The following ACBD6 variants were observed in gnomAD, a reference collection of about 807,000 sequenced individuals.
ACBD6 encodes acyl-CoA binding domain containing 6.
ACBD6 carries 28 observed loss-of-function variants against 37.2 expected under a neutral mutation model. The observed-to-expected ratio is 0.75, with a 90% confidence interval of 0.56 to 1.03. The LOEUF (loss-of-function observed/expected upper bound fraction) is 1.03. Ranked by LOEUF, ACBD6 falls within the 50% of genes least tolerant of loss-of-function variation. ACBD6 has a pLI of 0.00. For synonymous variants in ACBD6, 113 were observed against 126.8 expected, an observed-to-expected ratio of 0.89 and a Z score of 0.73; for missense variants, 340 against 337.4, an observed-to-expected ratio of 1.01 and a Z score of -0.06.
Position 180,307,574 on chromosome 1 carries a change from T to C in ACBD6, c.694+7118A>G, listed in dbSNP as rs189606962. Among the ~76,000 whole-genome samples, 417 of 152,372 alleles carry C rather than the reference T, an allele frequency of 2.7e-3. 2 individuals carry two copies. The highest frequency in any genetic ancestry group is 8.0e-3 in the Admixed American group (123 of 15,302). On this transcript the variant is annotated intron_variant, in intron 7 of 7. Transcript: ENST00000367595. Reference sequence around the variant, plus strand: ...GGAATGGACACCCCATTTATCATGATGTGATTATTACACATTGGATCCCTG... The same window carrying C: ...GGAATGGACACCCCATTTATCATGACGTGATTATTACACATTGGATCCCTG...
At chr1:180,306,928 A>T (rs1391974525) in intron 7 of ACBD6, among the ~76,000 whole-genome samples, 2 of 152,218 alleles carry the variant, frequency 1.3e-5, no homozygotes, top group Non-Finnish European at 2.9e-5. Flanking sequence ...TAGTACAATC[A>T]CTATGGAGAA....
At chr1:180,269,997 T>TC (rs1264092155) in exon 14 of ACBD6, 1 of 152,136 alleles carries the variant, frequency 6.6e-6, no homozygotes. Flanking sequence ...CACGGGTGTG[T>TC]CCCCCCTCAC....
intron 5 of ACBD6, among the ~76,000 whole-genome samples, chr1:180,400,831 C>A (rs1361628): frequency 0.95 from 145,393 of 152,250 alleles, 69,490 homozygotes; most frequent in African/African-American, 0.99. Flanking sequence ...ACCTAGACCA[C>A]TACAATTATT....
intron 3 of ACBD6, among the ~76,000 whole-genome samples, chr1:180,477,077 C>CT (rs918138233): frequency 6.6e-6 from 1 of 152,038 alleles, no homozygotes; most frequent in African/African-American, 2.4e-5. Flanking sequence ...CTACAGAGCC[C>CT]TATATACACT....
intron 6 of ACBD6, among the ~76,000 whole-genome samples, chr1:180,315,079 A>AT (rs11434802): frequency 0.27 from 40,959 of 150,754 alleles, 8,360 homozygotes; most frequent in African/African-American, 0.57. Context: ...CAGTATTAGG[A>AT]TTTTTTTTTT....
At chr1:180,474,905 A>T (rs973339620) in intron 3 of ACBD6, among the ~76,000 whole-genome samples, 1 of 152,218 alleles carries the variant, frequency 6.6e-6, no homozygotes, top group African/African-American at 2.4e-5. Flanking sequence ...TCCAACTGGG[A>T]CATTTTCTAC....
intron 7 of ACBD6, among the ~76,000 whole-genome samples, chr1:180,314,152 G>C (rs1000382309): frequency 1.3e-5 from 2 of 151,948 alleles, no homozygotes; most frequent in African/African-American, 4.8e-5. Context: ...TTTTCAAAGG[G>C]GGCTAGCACG....
At chr1:180,331,919 A>G (rs1385234221) in intron 6 of ACBD6, among the ~76,000 whole-genome samples, 1 of 152,186 alleles carries the variant, frequency 6.6e-6, no homozygotes, top group Non-Finnish European at 1.5e-5. Flanking sequence ...CCTACTAGAG[A>G]GTATATTCTA....
chr1:180,294,837 A>G (rs192505264), intron 7 of ACBD6, among the ~76,000 whole-genome samples: 57 of 151,836 alleles, frequency 3.8e-4, no homozygotes, highest in African/African-American at 1.4e-3. Flanking sequence ...TGGGACTTAC[A>G]GGCTCAAACA....
At chr1:180,430,635 A>G (rs1314441134) in intron 3 of ACBD6, among the ~76,000 whole-genome samples, 1 of 152,122 alleles carries the variant, frequency 6.6e-6, no homozygotes, top group African/African-American at 2.4e-5. Flanking sequence ...TAGATTTATA[A>G]AAGTTCCCAA....
At chr1:180,442,270 C>T (rs1649310182) in intron 3 of ACBD6, among the ~76,000 whole-genome samples, 1 of 150,538 alleles carries the variant, frequency 6.6e-6, no homozygotes, top group Non-Finnish European at 1.5e-5. Context: ...GGGTTTATGG[C>T]AGTGACTCTC....
chr1:180,294,499 G>A (rs1284604492), intron 7 of ACBD6, among the ~76,000 whole-genome samples: 1 of 151,802 alleles, frequency 6.6e-6, no homozygotes, highest in Non-Finnish European at 1.5e-5. Context: ...GGCTGAGATC[G>A]CACCACTGCA....
chr1:180,371,749 A>G (rs1460985248), intron 6 of ACBD6, among the ~76,000 whole-genome samples: 1 of 152,192 alleles, frequency 6.6e-6, no homozygotes, highest in East Asian at 1.9e-4. Flanking sequence ...GTTTTTGATC[A>G]CAGAATCATT....
chr1:180,294,633 T>G (rs949315692), intron 7 of ACBD6, among the ~76,000 whole-genome samples: 1 of 152,204 alleles, frequency 6.6e-6, no homozygotes, highest in Admixed American at 6.5e-5. Flanking sequence ...GTTTCCTTAT[T>G]TGCTTTATAA....
intron 6 of ACBD6, among the ~76,000 whole-genome samples, chr1:180,321,365 ATAGATTACT>A: frequency 6.6e-6 from 1 of 152,170 alleles, no homozygotes; most frequent in African/African-American, 2.4e-5. Context: ...CACTGAATTT[ATAGATTACT>A]TTGGGTAGTA....
chr1:180,271,404 G>C, exon 14 of ACBD6: 1 of 1,614,158 alleles, frequency 6.2e-7, no homozygotes, highest in Non-Finnish European at 8.5e-7. Context: ...GGAGCTAAGC[G>C]GCCCCGGACC....
At chr1:180,332,806 C>A (rs1651536713) in intron 6 of ACBD6, among the ~76,000 whole-genome samples, 1 of 152,128 alleles carries the variant, frequency 6.6e-6, no homozygotes, top group Non-Finnish European at 1.5e-5. Flanking sequence ...AATTGTCTTC[C>A]ACGAAACCTG....
At chr1:180,297,904 C>A (rs1377695994) in intron 7 of ACBD6, among the ~76,000 whole-genome samples, 1 of 152,128 alleles carries the variant, frequency 6.6e-6, no homozygotes, top group African/African-American at 2.4e-5. Context: ...CCAAGCACAG[C>A]TAATTGTTTT....
At chr1:180,308,411 T>A (rs1321803084) in intron 7 of ACBD6, among the ~76,000 whole-genome samples, 1 of 152,208 alleles carries the variant, frequency 6.6e-6, no homozygotes. Context: ...CTGTATAGGT[T>A]GAGGATGTGT....
Sources: allele counts gnomAD v4.1 joint callset (sites outside exome capture counted in the v4.1 genomes callset), GRCh38; gene constraint gnomAD v4.1.1; transcripts MANE v1.5; gene names NCBI Gene and HGNC (gene_info 2026-07-23, HGNC 2026-07-21).